The following GRM3 variants were observed in gnomAD, a reference collection of about 807,000 sequenced individuals.
GRM3 encodes metabotropic glutamate receptor 3.
Under a neutral mutation model 70.5 loss-of-function variants are expected in GRM3, and 26 were observed. The observed-to-expected ratio is 0.37, with a 90% CI of 0.27 to 0.51. GRM3 has a LOEUF of 0.51. Among genes scored for constraint, GRM3 ranks in the 20% least tolerant of loss-of-function variants. The pLI, the probability that GRM3 is intolerant of heterozygous loss-of-function variation, is 0.93. For synonymous variants in GRM3, 443 were observed against 434.9 expected (o/e 1.02, Z -0.23); for missense variants, 859 against 1,123.8 (o/e 0.76, Z 3.37).
chr7:86,647,003 G>T lies in GRM3; in HGVS notation c.-141+2131G>T, dbSNP rs145331965. On this transcript the variant is annotated intron_variant, in intron 1 of 5. Transcript: ENST00000361669. ...TTTTATATCACTGTAATTAAAATTG[G>T]TAAGTTGAACAAATGCAAATATAAC... 7.2e-5 allele frequency among the ~76,000 whole-genome samples: 11 copies of T among 152,216 alleles called. No individual in the cohort carries two copies. In the South Asian group the frequency reaches 1.2e-3, roughly 17 times the overall value.
At position 86,789,245 on chromosome 7, in the gene GRM3, T is replaced by A. The variant is rs1038627486; in HGVS notation, c.1324+2129T>A. ...TTAAACTACATAAAAGAGAGGGAAT[T>A]TAGACCAGCCACAAGGTAAATATTC... is the stretch of plus-strand genomic sequence containing the variant. On this transcript the variant is annotated intron_variant, in intron 3 of 5. Transcript: ENST00000361669. 1.1e-4 allele frequency among the ~76,000 whole-genome samples: 16 copies of A among 152,212 alleles called. No individual in the cohort carries two copies. In the East Asian group the frequency reaches 1.5e-3, roughly 15 times the overall value.
At chr7:86,695,597 G>C (rs979939818) in intron 1 of GRM3, among the ~76,000 whole-genome samples, 1 of 152,026 alleles carries the variant, frequency 6.6e-6, no homozygotes, top group African/African-American at 2.4e-5. Flanking sequence ...ATGAACTCCC[G>C]TTTACTTGCT....
At chr7:86,853,193 A>G (rs920697325) in intron 5 of GRM3, among the ~76,000 whole-genome samples, 1 of 152,156 alleles carries the variant, frequency 6.6e-6, no homozygotes, top group African/African-American at 2.4e-5. Context: ...AAAAAACAGA[A>G]AATCTTAAGA....
intron 3 of GRM3, among the ~76,000 whole-genome samples, chr7:86,790,358 A>G (rs892337815): frequency 6.6e-5 from 10 of 152,172 alleles, no homozygotes; most frequent in African/African-American, 2.2e-4. Context: ...CCAGAATCTG[A>G]TGACTTATCA....
intron 2 of GRM3, among the ~76,000 whole-genome samples, chr7:86,769,865 A>G (rs918178649): frequency 3.9e-5 from 6 of 152,202 alleles, no homozygotes; most frequent in African/African-American, 1.4e-4. Context: ...TAGCAAATAT[A>G]TGTGGGAGTC....
intron 4 of GRM3, among the ~76,000 whole-genome samples, chr7:86,849,425 AT>A (rs1798717299): frequency 6.7e-6 from 1 of 148,858 alleles, no homozygotes. Context: ...GGCAGGCTGA[AT>A]TTTTTTTAAA....
chr7:86,846,488 A>G lies in GRM3; in HGVS notation c.2392-3882A>G, dbSNP rs190147625. On this transcript the variant is annotated intron_variant, in intron 4 of 5. Transcript: ENST00000361669. Reference sequence around the variant, plus strand: ...CATGTCTCTGCAATTTTTGTGTAAAAGAGAGTGGAATTTTCTGCCTACCCA... The same window carrying G: ...CATGTCTCTGCAATTTTTGTGTAAAGGAGAGTGGAATTTTCTGCCTACCCA... Among the ~76,000 whole-genome samples, 47 of 152,268 alleles carry G rather than the reference A, an allele frequency of 3.1e-4. No individual in the cohort carries two copies. The East Asian group carries it at 9.1e-3, about 29-fold the overall frequency.
intron 1 of GRM3, among the ~76,000 whole-genome samples, chr7:86,652,852 T>C (rs981438701): frequency 6.6e-6 from 1 of 152,232 alleles, no homozygotes; most frequent in Non-Finnish European, 1.5e-5. Flanking sequence ...CTTTGAAGTT[T>C]ACTTAAAATG....
At chr7:86,858,189 C>G (rs1037580389) in intron 5 of GRM3, among the ~76,000 whole-genome samples, 1 of 152,014 alleles carries the variant, frequency 6.6e-6, no homozygotes, top group Non-Finnish European at 1.5e-5. Flanking sequence ...ATCTCCTGAC[C>G]TCATGATCCA....
At chr7:86,848,551 G>T (rs572263816) in intron 4 of GRM3, among the ~76,000 whole-genome samples, 18 of 152,090 alleles carry the variant, frequency 1.2e-4, no homozygotes, top group South Asian at 1.0e-3. Flanking sequence ...AGTTGACTGG[G>T]AGATCTCTAT....
At chr7:86,727,582 T>C (rs556484735) in intron 1 of GRM3, among the ~76,000 whole-genome samples, 2 of 152,334 alleles carry the variant, frequency 1.3e-5, no homozygotes, top group South Asian at 4.1e-4. Flanking sequence ...TTTATCTTTA[T>C]CCTTGTATGT....
intron 1 of GRM3, among the ~76,000 whole-genome samples, chr7:86,750,315 G>T (rs572265878): frequency 2.2e-4 from 33 of 152,134 alleles, no homozygotes; most frequent in Admixed American, 6.6e-4. Context: ...AGTTTACTTT[G>T]TGACCAATAG....
At chr7:86,736,243 G>A (rs993139163) in intron 1 of GRM3, among the ~76,000 whole-genome samples, 1 of 152,162 alleles carries the variant, frequency 6.6e-6, no homozygotes, top group African/African-American at 2.4e-5. Flanking sequence ...GTAGGCAAAC[G>A]AGGAAAAGAT....
At chr7:86,831,793 T>A (rs1438950760) in intron 3 of GRM3, among the ~76,000 whole-genome samples, 2 of 113,980 alleles carry the variant, frequency 1.8e-5, no homozygotes, top group Non-Finnish European at 3.5e-5. Context: ...ATAGCACCGT[T>A]AAAAAAAAAA....
chr7:86,728,836 C>T (rs980755604), intron 1 of GRM3, among the ~76,000 whole-genome samples: 1 of 152,208 alleles, frequency 6.6e-6, no homozygotes, highest in African/African-American at 2.4e-5. Context: ...ACAGTGAAAT[C>T]AGTGGTAAAG....
chr7:86,822,820 T>C (rs1798148817), intron 3 of GRM3, among the ~76,000 whole-genome samples: 1 of 152,202 alleles, frequency 6.6e-6, no homozygotes, highest in Non-Finnish European at 1.5e-5. Context: ...AATCTCTGGA[T>C]GATCCTCAAA....
chr7:86,707,753 G>A (rs12333697), intron 1 of GRM3, among the ~76,000 whole-genome samples: 104,232 of 151,860 alleles, frequency 0.69, 36,414 homozygotes, highest in East Asian at 0.88. Context: ...AATTATAGAT[G>A]TTACTTTTTA....
At chr7:86,852,140 C>T (rs144262278) in intron 5 of GRM3, among the ~76,000 whole-genome samples, 2 of 152,278 alleles carry the variant, frequency 1.3e-5, no homozygotes, top group African/African-American at 4.8e-5. Context: ...GTGCACCTAA[C>T]TACTGTATCG....
chr7:86,755,917 A>G (rs1242431325), intron 1 of GRM3, among the ~76,000 whole-genome samples: 1 of 152,182 alleles, frequency 6.6e-6, no homozygotes, highest in Non-Finnish European at 1.5e-5. Flanking sequence ...TATGAAATTA[A>G]GCTAACAATA....
Sources: allele counts gnomAD v4.1 joint callset (sites outside exome capture counted in the v4.1 genomes callset), GRCh38; gene constraint gnomAD v4.1.1; transcripts MANE v1.5; gene names NCBI Gene and HGNC (gene_info 2026-07-23, HGNC 2026-07-21).